Variants in FHIT observed in about 807,000 individuals in gnomAD.
FHIT encodes the protein bis(5'-adenosyl)-triphosphatase.
FHIT carries 19 observed loss-of-function variants against 17.9 expected under a neutral mutation model. The observed-to-expected ratio is 1.06, with a 90% CI of 0.74 to 1.56. The LOEUF is 1.56. FHIT is among the 40% of genes most tolerant of loss of function. The probability of loss-of-function intolerance (pLI) is 0.00; values close to 1 mark genes in which losing one functional copy is unlikely to be tolerated. For missense variants in FHIT, 248 were observed against 189.2 expected (o/e 1.31, Z -1.82); for synonymous variants, 81 against 69.7 (o/e 1.16, Z -0.81).
intron 1 of FHIT, among the ~76,000 whole-genome samples, chr3:61,247,638 AT>A (rs1264587194): frequency 2.0e-5 from 3 of 152,210 alleles, no homozygotes; most frequent in African/African-American, 7.2e-5. Flanking sequence ...GGAACTTCAT[AT>A]TTTAAATGTG....
At chr3:60,838,380 G>A (rs969909042) in intron 3 of FHIT, among the ~76,000 whole-genome samples, 24 of 152,292 alleles carry the variant, frequency 1.6e-4, no homozygotes, top group African/African-American at 4.6e-4. Context: ...GCTGAGGCAG[G>A]AGAATCGCTT....
At chr3:60,652,727 C>CAAAAAA (rs782637479) in intron 4 of FHIT, among the ~76,000 whole-genome samples, 4 of 58,982 alleles carry the variant, frequency 6.8e-5, no homozygotes, top group Non-Finnish European at 9.9e-5. Context: ...GACTCCATCT[C>CAAAAAA]AAAAAAAAAA....
chr3:60,254,676 T>C lies in FHIT; in HGVS notation c.104-240524A>G, dbSNP rs1705895840. On this transcript the variant is annotated intron_variant, in intron 5 of 9. Coordinates refer to ENST00000492590, the MANE Select transcript of FHIT (RefSeq NM_002012.4). ...TATTTGGACTTGGACATTAAATCAATACTGGCCTTACAGTTACTTCCCATG... is the reference window on the plus strand; with the variant it reads ...TATTTGGACTTGGACATTAAATCAACACTGGCCTTACAGTTACTTCCCATG... Among the ~76,000 whole-genome samples, 5 of 152,294 alleles carry C rather than the reference T, an allele frequency of 3.3e-5. No homozygotes were observed. In the South Asian group the frequency reaches 1.0e-3, roughly 32 times the overall value.
chr3:60,493,197 C>T (rs1304366586), intron 5 of FHIT, among the ~76,000 whole-genome samples: 1 of 152,190 alleles, frequency 6.6e-6, no homozygotes, highest in Middle Eastern at 3.4e-3. Flanking sequence ...ATGAAATTGA[C>T]TTAAGGACAA....
chr3:61,193,948 G>C (rs1486409489), intron 2 of FHIT, among the ~76,000 whole-genome samples: 3 of 146,288 alleles, frequency 2.1e-5, no homozygotes, highest in Non-Finnish European at 4.5e-5. Context: ...AAGGAAAATA[G>C]TTTTTATGCT....
chr3:61,213,631 G>A lies in FHIT; in HGVS notation c.-212-12966C>T, dbSNP rs1035496120. 2.0e-5 allele frequency among the ~76,000 whole-genome samples: 3 copies of A among 152,196 alleles called. No individual in the cohort carries two copies. In the East Asian group the frequency reaches 5.8e-4, roughly 29 times the overall value. On this transcript the variant is annotated intron_variant, in intron 1 of 9. Transcript: ENST00000492590. ...AAGTTAACAAGGATATCCAGGTATT[G>A]AACTCAGCTCTGCACCAAGCAGACC...
At chr3:60,833,404 C>T (rs544735947) in intron 3 of FHIT, among the ~76,000 whole-genome samples, 13 of 152,332 alleles carry the variant, frequency 8.5e-5, no homozygotes, top group African/African-American at 2.9e-4. Context: ...CACTTTCATA[C>T]ATTTACAGTG....
chr3:60,135,467 GT>G (rs1181956294), intron 5 of FHIT, among the ~76,000 whole-genome samples: 2 of 152,126 alleles, frequency 1.3e-5, no homozygotes, highest in African/African-American at 4.8e-5. Context: ...CTACAATGGG[GT>G]TTTAATCACA....
At chr3:60,129,890 C>G (rs1451477379) in intron 5 of FHIT, among the ~76,000 whole-genome samples, 1 of 152,110 alleles carries the variant, frequency 6.6e-6, no homozygotes, top group Non-Finnish European at 1.5e-5. Context: ...GATTTCCATT[C>G]AAAAATCCTG....
chr3:60,078,093 A>G (rs550526110), intron 5 of FHIT, among the ~76,000 whole-genome samples: 202 of 152,264 alleles, frequency 1.3e-3, no homozygotes, highest in Middle Eastern at 6.8e-3. Context: ...AATCATCACA[A>G]AAGTAACTGT....
chr3:60,237,324 CA>C (rs1243929126), intron 5 of FHIT, among the ~76,000 whole-genome samples: 1 of 142,382 alleles, frequency 7.0e-6, no homozygotes, highest in Non-Finnish European at 1.5e-5. Context: ...TGACCTAAAC[CA>C]GTTGAGAAAT....
chr3:60,549,332 A>G (rs922749193), intron 4 of FHIT, among the ~76,000 whole-genome samples: 4 of 152,162 alleles, frequency 2.6e-5, no homozygotes, highest in Non-Finnish European at 5.9e-5. Context: ...ATAACAGCTA[A>G]GTACTTACTC....
At chr3:60,153,671 G>A (rs1300961421) in intron 5 of FHIT, among the ~76,000 whole-genome samples, 7 of 152,182 alleles carry the variant, frequency 4.6e-5, no homozygotes, top group African/African-American at 1.2e-4. Context: ...CCACGTTTAT[G>A]AAATAAAAAC....
At chr3:60,061,130 G>GA (rs1559594423) in intron 5 of FHIT, among the ~76,000 whole-genome samples, 1 of 152,192 alleles carries the variant, frequency 6.6e-6, no homozygotes, top group East Asian at 1.9e-4. Context: ...ATAGGATGGG[G>GA]AAAGAGTGTT....
chr3:60,846,906 C>T (rs1171569856), intron 3 of FHIT, among the ~76,000 whole-genome samples: 1 of 152,084 alleles, frequency 6.6e-6, no homozygotes, highest in Non-Finnish European at 1.5e-5. Flanking sequence ...TCACTGCAAC[C>T]TCCGCCTCCC....
rs560732275 is a variant in FHIT, at chr3:59,962,080, C to T, written c.280-39666G>A. On this transcript the variant is annotated intron_variant, in intron 7 of 9. Transcript: ENST00000492590. ...TCATTTCGATTAAAGAAATGAACACCATAGAGATGTTCCATTGGAAGACTT... is the reference window on the plus strand; with the variant it reads ...TCATTTCGATTAAAGAAATGAACACTATAGAGATGTTCCATTGGAAGACTT... 5.9e-5 allele frequency among the ~76,000 whole-genome samples: 9 copies of T among 152,248 alleles called. No homozygotes were observed. In the South Asian group the frequency reaches 1.9e-3, roughly 32 times the overall value.
At chr3:59,779,599 T>G (rs565051200) in intron 8 of FHIT, among the ~76,000 whole-genome samples, 6 of 152,076 alleles carry the variant, frequency 3.9e-5, no homozygotes, top group South Asian at 2.1e-4. Context: ...TTTCTTCTTA[T>G]AAGCTAAGTT....
intron 5 of FHIT, among the ~76,000 whole-genome samples, chr3:60,458,629 A>T (rs2032264124): frequency 6.6e-6 from 1 of 152,128 alleles, no homozygotes; most frequent in South Asian, 2.1e-4. Flanking sequence ...TATATATTTC[A>T]GGCAAAGGTA....
At chr3:60,219,743 T>TA (rs1703873815) in intron 5 of FHIT, among the ~76,000 whole-genome samples, 1 of 152,122 alleles carries the variant, frequency 6.6e-6, no homozygotes. Context: ...TTTCTTCTTG[T>TA]CCTCACCCAG....
Sources: gnomAD v4.1 joint callset for allele counts (sites outside exome capture counted in the v4.1 genomes callset) on GRCh38, gnomAD v4.1.1 for gene constraint, MANE v1.5 for transcripts, NCBI Gene and HGNC (gene_info 2026-07-23, HGNC 2026-07-21) for gene names.